Variants in SYNE1 observed in about 807,000 individuals in gnomAD.
The protein encoded by SYNE1 is spectrin repeat containing nuclear envelope protein 1.
Under a neutral mutation model 1,111.0 loss-of-function variants are expected in SYNE1, and 616 were observed. The observed-to-expected ratio is 0.55, with a 90% CI of 0.52 to 0.59. The LOEUF is 0.59. SYNE1 is among the 20% of genes least tolerant of loss of function. The probability of loss-of-function intolerance (pLI) is 0.00; values close to 1 mark genes in which losing one functional copy is unlikely to be tolerated. For synonymous variants in SYNE1, 3,855 were observed against 3,825.8 expected (o/e 1.01, Z -0.28); for missense variants, 10,006 against 10,417.0 (o/e 0.96, Z 1.72).
chr6:152,170,499 C>T (rs901436386), intron 130 of SYNE1, among the ~76,000 whole-genome samples: 3 of 152,320 alleles, frequency 2.0e-5, no homozygotes, highest in Non-Finnish European at 4.4e-5. Context: ...TAAACTCAGG[C>T]CTCTTGATTA....
At chr6:152,449,814 G>A (rs1483282179) in intron 27 of SYNE1, among the ~76,000 whole-genome samples, 173 bp from the exon 28 acceptor site, 3 of 152,140 alleles carry the variant, frequency 2.0e-5, no homozygotes, top group African/African-American at 7.2e-5. Flanking sequence ...AAAGGGCAGG[G>A]GTGGCCGCCT....
chr6:152,528,320 G>T (rs527948334), intron 4 of SYNE1, among the ~76,000 whole-genome samples: 1 of 152,156 alleles, frequency 6.6e-6, no homozygotes, highest in South Asian at 2.1e-4. Flanking sequence ...ATGAATGAAT[G>T]AATGAATGTA....
At chr6:152,167,656 A>G (rs2063949672) in intron 130 of SYNE1, 1 of 449,784 alleles carries the variant, frequency 2.2e-6, no homozygotes, top group African/African-American at 2.0e-5. Flanking sequence ...AGCATTTTCT[A>G]GAGCCCTGAA....
chr6:152,405,099 G>A (rs114155048), intron 45 of SYNE1: 1,787 of 152,390 alleles, frequency 0.012, 8 homozygotes, highest in African/African-American at 0.013. Flanking sequence ...GAGCAACTGA[G>A]GAATCTTGCT....
chr6:152,453,752 T>C, intron 24 of SYNE1, 32 bp from the exon 25 acceptor site: 1 of 1,613,926 alleles, frequency 6.2e-7, no homozygotes, highest in Non-Finnish European at 8.5e-7. Context: ...GGTAAGAGTG[T>C]TGGACAGACG....
intron 84 of SYNE1, 130 bp from the exon 85 acceptor site, chr6:152,319,145 G>C: frequency 7.7e-7 from 1 of 1,295,464 alleles, no homozygotes; most frequent in Non-Finnish European, 1.1e-6. Flanking sequence ...TCACACCAGC[G>C]ATGTGCGATT....
At chr6:152,379,724 C>T (rs575295804) in intron 56 of SYNE1, among the ~76,000 whole-genome samples, 1 of 152,316 alleles carries the variant, frequency 6.6e-6, no homozygotes, top group Admixed American at 6.5e-5. Context: ...AGGGCTGTCA[C>T]ATTTGAACTA....
rs148791302 is a variant in SYNE1 at position 152,599,137 on chromosome 6, G to A, written c.67+29128C>T. ...AAATTCACAGGAGAGAAAAATTATC[G>A]TTCTGAATGTATTAAAAACACTAAA... On this transcript the variant is annotated intron_variant, in intron 3 of 145. Transcript: ENST00000367255. Among the ~76,000 whole-genome samples the A allele has an allele frequency of 3.2e-3, 487 of 152,142 alleles. 1 individual carries two copies. Among genetic ancestry groups the A allele is most frequent in the African/African-American group, 0.011 (459 of 41,514 alleles).
Position 152,211,518 on chromosome 6 carries a change from A to G in SYNE1, c.22565T>C (p.Leu7522Pro). 2 of 1,613,868 alleles carry G rather than the reference A, an allele frequency of 1.2e-6. No homozygotes were observed. Among genetic ancestry groups the G allele is most frequent in the South Asian group, 1.1e-5 (1 of 91,080 alleles). The stretch of plus-strand genomic sequence containing the variant: ...CCTGTCATCAACTTGACCTTGTTCT[A>G]GAAGACGTTGCCCATCAATAATGAT... The part of the protein sequence containing the change: ...HSIIIDGQRL[L>P]EQGQVDDRDE... Residue 7522 changes from leucine (L) to proline (P), a missense_variant, in exon 124 of 146, where the codon CTA becomes CCA. Physicochemically the swap from Leu to Pro is moderately conservative, Grantham distance 98. Around this residue, in one of 7 missense-constraint regions of SYNE1, gnomAD observed 2,182 missense variants for 2,287.8 expected, o/e 0.95. Transcript: ENST00000367255.
intron 44 of SYNE1, among the ~76,000 whole-genome samples, chr6:152,408,778 AC>A (rs1378936869): frequency 6.6e-6 from 1 of 151,960 alleles, no homozygotes; most frequent in Non-Finnish European, 1.5e-5. Context: ...ACATGGAGAA[AC>A]CCCGTCTCTA....
Position 152,628,533 on chromosome 6 carries a change from C to T in SYNE1, c.-202G>A. On this transcript the variant is annotated 5_prime_UTR_variant, in exon 3 of 146. Transcript: ENST00000367255. Reference sequence around the variant, plus strand: ...TTTTCTTCTTCCGTTTTAAGACTGTCCTCTTACATGAACTCAAGAACCTGA... The same window carrying T: ...TTTTCTTCTTCCGTTTTAAGACTGTTCTCTTACATGAACTCAAGAACCTGA... The T allele has an allele frequency of 1.7e-6, 1 of 603,268 alleles. No individual in the cohort carries two copies. The highest frequency in any genetic ancestry group is 2.8e-5 in the East Asian group (1 of 35,732). 37.4% of individuals were successfully genotyped at this position (603,268 alleles called of 1,614,324 possible). A position where few individuals can be genotyped will look rare whatever the true frequency, so the allele number is the denominator to read the frequency against.
intron 145 of SYNE1, chr6:152,125,489 T>C (rs550541142): frequency 7.5e-6 from 9 of 1,201,246 alleles, no homozygotes; most frequent in Non-Finnish European, 1.0e-5. Context: ...TCATTTGCAA[T>C]GATTCAATGG....
chr6:152,492,031 C>T (rs1391386307), intron 11 of SYNE1, among the ~76,000 whole-genome samples: 1 of 152,182 alleles, frequency 6.6e-6, no homozygotes, highest in Non-Finnish European at 1.5e-5. Context: ...CAGCTCAAGG[C>T]AGAGTCAAGG....
At chr6:152,561,621 G>A (rs1564859656) in intron 3 of SYNE1, among the ~76,000 whole-genome samples, 1 of 151,932 alleles carries the variant, frequency 6.6e-6, no homozygotes, top group Non-Finnish European at 1.5e-5. Context: ...GCAATTTTAA[G>A]GAAAAAGAAC....
chr6:152,580,379 T>C (rs780751486), intron 3 of SYNE1, among the ~76,000 whole-genome samples: 1 of 152,228 alleles, frequency 6.6e-6, no homozygotes, highest in East Asian at 1.9e-4. Flanking sequence ...TGCTTGTTGA[T>C]TTGTTTAAGT....
At chr6:152,297,846 A>T (rs1300975899) in intron 93 of SYNE1, among the ~76,000 whole-genome samples, 1 of 151,660 alleles carries the variant, frequency 6.6e-6, no homozygotes, top group Non-Finnish European at 1.5e-5. Context: ...GCTCATGCCT[A>T]CAGATATGAA....
intron 54 of SYNE1, among the ~76,000 whole-genome samples, chr6:152,386,501 A>T (rs193036371): frequency 1.4e-5 from 2 of 145,192 alleles, no homozygotes; most frequent in African/African-American, 5.7e-5. Flanking sequence ...AAAAGCAGCA[A>T]ACAACAACAA....
At chr6:152,146,621 C>G (rs2059560985) in intron 137 of SYNE1, 1 of 152,224 alleles carries the variant, frequency 6.6e-6, no homozygotes, top group African/African-American at 2.4e-5. Flanking sequence ...CTTTTTAGAA[C>G]AGTGTCATCC....
At chr6:152,206,052 A>C in intron 126 of SYNE1, 116 bp downstream of exon 126, 184 of 976,078 alleles carry the variant, frequency 1.9e-4, no homozygotes, top group Non-Finnish European at 2.6e-4. Context: ...GAATCAAAAT[A>C]CTGCAGGGTA....
Sources: allele counts gnomAD v4.1 joint callset (sites outside exome capture counted in the v4.1 genomes callset), GRCh38; gene constraint gnomAD v4.1.1; regional missense constraint gnomAD v4.1.1; transcripts MANE v1.5; gene names NCBI Gene and HGNC (gene_info 2026-07-23, HGNC 2026-07-21).